Variants in DRAXIN observed in about 807,000 individuals in gnomAD.
The protein encoded by DRAXIN is dorsal inhibitory axon guidance protein, also known as dorsal repulsive axon guidance protein.
Under a neutral mutation model 33.9 loss-of-function variants are expected in DRAXIN, and 27 were observed. The observed-to-expected ratio is 0.80, with a 90% CI of 0.59 to 1.10. The LOEUF (loss-of-function observed/expected upper bound fraction) is 1.10. DRAXIN is among the 50% of genes least tolerant of loss of function. DRAXIN has a pLI of 0.00. For missense variants in DRAXIN, 371 were observed against 460.8 expected, an observed-to-expected ratio of 0.81 and a Z score of 1.78; for synonymous variants, 178 against 194.0, an observed-to-expected ratio of 0.92 and a Z score of 0.69.
At chr1:11,711,811 A>G (rs1400517247) in intron 3 of DRAXIN, 40 bp from the exon 4 acceptor site, 1 of 1,568,044 alleles carries the variant, frequency 6.4e-7, no homozygotes, top group Admixed American at 1.8e-5. Context: ...GCTTCCATGG[A>G]TTTGAAGGTT....
Position 11,722,173 on chromosome 1 carries a change from T to G in DRAXIN, c.*2477T>G, listed in dbSNP as rs1641667068. On this transcript the variant is annotated 3_prime_UTR_variant, in exon 7 of 7. Coordinates refer to ENST00000294485, the MANE Select transcript of DRAXIN (RefSeq NM_198545.4). ...GCAGATCTGCCAGCAGCTTCGTACT[T>G]GAGACCAGACAACCCACACATGCTG... is the stretch of plus-strand genomic sequence containing the variant. The G allele has an allele frequency of 6.6e-6, 1 of 152,250 alleles. No individual in the cohort carries two copies. Among genetic ancestry groups the G allele is most frequent in the African/African-American group, 2.4e-5 (1 of 41,436 alleles). The allele number at this position is 152,250 out of a possible 1,614,324, so 9.4% of individuals were successfully genotyped here.
intron 1 of DRAXIN, among the ~76,000 whole-genome samples, chr1:11,698,293 A>G (rs573520949): frequency 3.9e-5 from 6 of 152,306 alleles, no homozygotes; most frequent in Non-Finnish European, 5.9e-5. Flanking sequence ...GTAGGATATG[A>G]CTGTTTTGAC....
chr1:11,709,968 C>A (rs1192351416), intron 3 of DRAXIN, among the ~76,000 whole-genome samples: 1 of 152,014 alleles, frequency 6.6e-6, no homozygotes, highest in Non-Finnish European at 1.5e-5. Flanking sequence ...GGGCAGATCA[C>A]GAGGTCAGGA....
In DRAXIN at chr1:11,725,300, A is replaced by AG; in HGVS notation, c.*5605dup. On this transcript the variant is annotated 3_prime_UTR_variant, in exon 7 of 7. Transcript: ENST00000294485. ...CACTGCACTCCAGCTTAGGCAATAC[A>AG]GCGAGACCTTGTCTCAAAAAAAGAC... 1 of 152,344 alleles carries AG rather than the reference A, an allele frequency of 6.6e-6. No homozygotes were observed. The highest frequency in any genetic ancestry group is 1.9e-4 in the East Asian group (1 of 5,176). 9.4% of individuals were successfully genotyped at this position (152,344 alleles called of 1,614,324 possible).
chr1:11,689,618 G>A (rs1350591402), upstream of DRAXIN, among the ~76,000 whole-genome samples: 2 of 152,182 alleles, frequency 1.3e-5, no homozygotes, highest in South Asian at 2.1e-4. Flanking sequence ...AAGGCGGGGG[G>A]AGGGGAGAAG....
Position 11,719,698 on chromosome 1 carries a change from G to C in DRAXIN, c.*2G>C, listed in dbSNP as rs763840753. On this transcript the variant is annotated 3_prime_UTR_variant, in exon 7 of 7. Coordinates refer to ENST00000294485, the MANE Select transcript of DRAXIN (RefSeq NM_198545.4). ...CAGGGATCCTTCATCAACGTCTAGC[G>C]GCCCCGCGGGACTGGGGACTGAGCC... 5.0e-6 allele frequency: 8 copies of C among 1,613,268 alleles called. No homozygotes were observed. In the Admixed American group the frequency reaches 1.3e-4, roughly 27 times the overall value.
At chr1:11,693,329 A>T (rs1239461730) in intron 1 of DRAXIN, among the ~76,000 whole-genome samples, 1 of 151,886 alleles carries the variant, frequency 6.6e-6, no homozygotes, top group Non-Finnish European at 1.5e-5. Flanking sequence ...TGATGCCTTT[A>T]ATAGCGGCAC....
In DRAXIN at chr1:11,706,942, C is replaced by T. The variant is rs1423232305; in HGVS notation, c.451+233C>T. Among the ~76,000 whole-genome samples, 4 of 152,074 alleles carry T rather than the reference C, an allele frequency of 2.6e-5. No individual in the cohort carries two copies. The highest frequency in any genetic ancestry group is 4.2e-4 in the South Asian group (2 of 4,814). ...AATCTGTCTTATCGCGGCCCGGTGC[C>T]GTGGCTCACGCTTGTAATCCCAGCA... On this transcript the variant is annotated intron_variant, in intron 2 of 6. Coordinates refer to ENST00000294485, the MANE Select transcript of DRAXIN (RefSeq NM_198545.4). This position sits in a 1 kb window ranked among gnomAD's most constrained non-coding sequence, Gnocchi z 5.5.
chr1:11,693,154 T>G (rs1362337397), intron 1 of DRAXIN, among the ~76,000 whole-genome samples: 1 of 151,842 alleles, frequency 6.6e-6, no homozygotes, highest in Non-Finnish European at 1.5e-5. Flanking sequence ...TCTTTCTCTC[T>G]CTCCTCCTCT....
In DRAXIN at chr1:11,719,660, G is replaced by A. The variant is rs1275336837; in HGVS notation, c.1014G>A (p.Thr338=). 3 of 1,613,990 alleles carry A rather than the reference G, an allele frequency of 1.9e-6. No homozygotes were observed. The highest frequency in any genetic ancestry group is 2.5e-6 in the Non-Finnish European group (3 of 1,179,992). Residue 338 remains threonine (T), a synonymous_variant, in exon 7 of 7, where the codon ACG becomes ACA. Transcript: ENST00000294485. ...AAGGGCGCTGTGTGGAGCCCGAGAC[G>A]GCCAACGGCGACCAGGGATCCTTCA... The part of the protein sequence containing the change: ...RRKGRCVEPE[T]ANGDQGSFIN...
rs141904724 is a variant in DRAXIN at position 11,706,283 on chromosome 1, G to T, written c.25G>T (p.Ala9Ser). MAGPAIHT[A>S]PMLFLVLLLP... ...AATGGCTGGGCCTGCCATCCACACCGCTCCCATGCTGTTCCTCGTCCTCCT... is the reference window on the plus strand; with the variant it reads ...AATGGCTGGGCCTGCCATCCACACCTCTCCCATGCTGTTCCTCGTCCTCCT... The change falls in exon 2 of 7, where the codon GCT becomes TCT. Residue 9 changes from alanine (A) to serine (S), a missense_variant. Ala to Ser is a moderately conservative substitution (Grantham distance 99, BLOSUM62 1). Coordinates refer to ENST00000294485, the MANE Select transcript of DRAXIN (RefSeq NM_198545.4). The surrounding 1 kb of genome is among the most constrained non-coding windows in gnomAD (Gnocchi z 5.5). 101 of 1,608,820 alleles carry T rather than the reference G, an allele frequency of 6.3e-5. No homozygotes were observed. The highest frequency in any genetic ancestry group is 8.3e-5 in the Non-Finnish European group (98 of 1,177,920).
rs755081680 is a variant in DRAXIN, at chr1:11,719,706, G to A, written c.*10G>A. On this transcript the variant is annotated 3_prime_UTR_variant, in exon 7 of 7. Transcript: ENST00000294485. ...CTTCATCAACGTCTAGCGGCCCCGC[G>A]GGACTGGGGACTGAGCCCAGGAGGT... 8 of 1,609,798 alleles carry A rather than the reference G, an allele frequency of 5.0e-6. No homozygotes were observed. Among genetic ancestry groups the A allele is most frequent in the East Asian group, 4.5e-5 (2 of 44,804 alleles).
At chr1:11,700,490 G>T (rs1017033774) in intron 1 of DRAXIN, among the ~76,000 whole-genome samples, 1 of 152,232 alleles carries the variant, frequency 6.6e-6, no homozygotes, top group Non-Finnish European at 1.5e-5. Context: ...TGATGGGGCC[G>T]TGCCCATGTT....
chr1:11,717,627 A>T (rs1428676712), intron 6 of DRAXIN, among the ~76,000 whole-genome samples: 1 of 141,350 alleles, frequency 7.1e-6, no homozygotes, highest in South Asian at 2.2e-4. Context: ...GTGCCTCTGC[A>T]CTCCAGCCTG....
intron 1 of DRAXIN, among the ~76,000 whole-genome samples, chr1:11,695,139 A>G (rs1347153697): frequency 6.6e-6 from 1 of 152,190 alleles, no homozygotes; most frequent in East Asian, 1.9e-4. Context: ...GTGATGGAGC[A>G]GGGATGATGA....
At position 11,706,763 on chromosome 1, in the gene DRAXIN, AG is replaced by A; in HGVS notation, c.451+58del. 6.8e-7 allele frequency: 1 copy of A among 1,477,590 alleles called. No individual in the cohort carries two copies. Among genetic ancestry groups the A allele is most frequent in the Non-Finnish European group, 9.0e-7 (1 of 1,112,546 alleles). The allele number at this position is 1,477,590 out of a possible 1,614,324, so 91.5% of individuals were successfully genotyped here. A position where few individuals can be genotyped will look rare whatever the true frequency, so the allele number is the denominator to read the frequency against. ...TGGGGGTGATTCCTGCCATGGACTG[AG>A]GGGAGCAGGAGAGGATGCAGGCAAG... On this transcript the variant is annotated intron_variant, in intron 2 of 6. Coordinates refer to ENST00000294485, the MANE Select transcript of DRAXIN (RefSeq NM_198545.4). This position sits in a 1 kb window ranked among gnomAD's most constrained non-coding sequence, Gnocchi z 5.5.
chr1:11,695,369 A>G (rs1179486183), intron 1 of DRAXIN, among the ~76,000 whole-genome samples: 3 of 152,088 alleles, frequency 2.0e-5, no homozygotes, highest in Non-Finnish European at 4.4e-5. Flanking sequence ...ACTTGAGGCC[A>G]GGGGTTCGAG....
chr1:11,699,466 TATA>T (rs535528701), intron 1 of DRAXIN, among the ~76,000 whole-genome samples: 113 of 152,296 alleles, frequency 7.4e-4, no homozygotes, highest in African/African-American at 2.6e-3. Flanking sequence ...TGCCCCAGTT[TATA>T]ATAATTACTT....
chr1:11,690,832 T>G (rs1641048293), upstream of DRAXIN, among the ~76,000 whole-genome samples: 3 of 152,038 alleles, frequency 2.0e-5, no homozygotes, highest in Admixed American at 2.0e-4. The surrounding 1 kb of genome is among the most constrained non-coding windows in gnomAD (Gnocchi z 4.2). Context: ...CGGTGATGGA[T>G]GAGCCGGCCC....
Sources: gnomAD v4.1 joint callset for allele counts (sites outside exome capture counted in the v4.1 genomes callset) on GRCh38, gnomAD v4.1.1 for gene constraint, Gnocchi (gnomAD v3.1) non-coding constraint, MANE v1.5 for transcripts, NCBI Gene and HGNC (gene_info 2026-07-23, HGNC 2026-07-21) for gene names.